Variants in TRIP4 observed in about 807,000 individuals in gnomAD.
The protein encoded by TRIP4 is thyroid hormone receptor interactor 4.
A neutral mutation model predicts 81.8 loss-of-function variants in TRIP4; 54 were observed. That is an observed-to-expected ratio of 0.66 (90% confidence interval 0.53 to 0.83). TRIP4 has a LOEUF of 0.83. TRIP4 is among the 40% of genes least tolerant of loss of function. The probability of loss-of-function intolerance (pLI) is 0.00; values close to 1 mark genes in which losing one functional copy is unlikely to be tolerated. For synonymous variants in TRIP4, 270 were observed against 242.8 expected (o/e 1.11, Z -1.04); for missense variants, 662 against 683.6 (o/e 0.97, Z 0.35).
At chr15:64,429,572 G>A (rs769071053) in intron 11 of TRIP4, among the ~76,000 whole-genome samples, 1 of 152,214 alleles carries the variant, frequency 6.6e-6, no homozygotes, top group Admixed American at 6.5e-5. Context: ...CTCTCTATGA[G>A]GTGGATATAA....
chr15:64,400,466 G>A (rs1388683983), intron 4 of TRIP4, among the ~76,000 whole-genome samples: 2 of 113,062 alleles, frequency 1.8e-5, no homozygotes, highest in East Asian at 6.1e-4. Context: ...AAGCCACTGT[G>A]CCCAGCCTTT....
chr15:64,402,582 G>A lies in TRIP4; in HGVS notation c.697+1761G>A, dbSNP rs189751160. On this transcript the variant is annotated intron_variant, in intron 5 of 12. Transcript: ENST00000261884. The stretch of plus-strand genomic sequence containing the variant: ...CTTGTTGCCCAGGCTGGAGTGCAAT[G>A]GCGCGATCTCAGCTCACTGCAACCT... Among the ~76,000 whole-genome samples the A allele has an allele frequency of 2.9e-4, 44 of 150,482 alleles. No homozygotes were observed. In the East Asian group the frequency reaches 4.9e-3, roughly 17 times the overall value.
Position 64,406,387 on chromosome 15 carries a change from A to G in TRIP4, c.755A>G (p.Glu252Gly). The change falls in exon 6 of 13, where the codon GAA becomes GGA. Residue 252 changes from glutamate (E) to glycine (G), a missense_variant. Glu to Gly is a moderately conservative substitution (Grantham distance 98). Coordinates refer to ENST00000261884, the MANE Select transcript of TRIP4 (RefSeq NM_016213.5). ...ISTKDLLPHQ[E>G]LRIKSGLEKA... ...ACCAAGGACCTTCTTCCTCATCAAG[A>G]ATTGCGAATTAAGTCTGGTCTGGAG... The G allele has an allele frequency of 6.2e-7, 1 of 1,614,214 alleles. No homozygotes were observed.
intron 8 of TRIP4, among the ~76,000 whole-genome samples, chr15:64,417,941 G>A (rs1891924050): frequency 6.6e-6 from 1 of 152,094 alleles, no homozygotes. Context: ...TAGCTCTTTT[G>A]GTGTGATATT....
intron 11 of TRIP4, among the ~76,000 whole-genome samples, chr15:64,437,485 G>A (rs981080824): frequency 6.6e-6 from 1 of 150,984 alleles, no homozygotes; most frequent in African/African-American, 2.4e-5. Flanking sequence ...ATCATATGAA[G>A]TCGTGTTACT....
Position 64,409,740 on chromosome 15 carries a change from G to T in TRIP4, c.955G>T (p.Ala319Ser). Residue 319 changes from alanine to serine, a missense_variant, in exon 7 of 13, where the codon GCC (alanine) becomes TCC (serine). By Grantham distance (99) the Ala-to-Ser change is moderately conservative. Coordinates refer to ENST00000261884, the MANE Select transcript of TRIP4 (RefSeq NM_016213.5). ...GGAGGAGCTGAGAGAACTTCGACAC[G>T]CCTCTCGACTTTCTAAGAAGGTCAC... is the stretch of plus-strand genomic sequence containing the variant. ...REEELRELRH[A>S]SRLSKKVTID... 6.2e-7 allele frequency: 1 copy of T among 1,614,062 alleles called. No homozygotes were observed. The highest frequency in any genetic ancestry group is 8.5e-7 in the Non-Finnish European group (1 of 1,180,000).
chr15:64,389,827 G>C (rs887732487), intron 1 of TRIP4, among the ~76,000 whole-genome samples: 2 of 148,024 alleles, frequency 1.4e-5, no homozygotes, highest in African/African-American at 2.5e-5. Flanking sequence ...TCCTCAGCCC[G>C]AGCAGCTGGG....
intron 3 of TRIP4, among the ~76,000 whole-genome samples, chr15:64,395,782 C>T (rs1596335643): frequency 6.7e-6 from 1 of 150,098 alleles, no homozygotes; most frequent in East Asian, 1.9e-4. Flanking sequence ...TGCTCTGTTT[C>T]CAGTCTGGAG....
chr15:64,451,864 G>T, intron 12 of TRIP4, among the ~76,000 whole-genome samples: 1 of 151,330 alleles, frequency 6.6e-6, no homozygotes, highest in Non-Finnish European at 1.5e-5. Context: ...TTTTGACCAG[G>T]CTGGTCTTGA....
At chr15:64,421,341 C>CA (rs1439675419) in intron 9 of TRIP4, among the ~76,000 whole-genome samples, 2 of 149,460 alleles carry the variant, frequency 1.3e-5, no homozygotes, top group East Asian at 4.0e-4. Flanking sequence ...TTCTTTCTTT[C>CA]ATTTTTTTTT....
intron 6 of TRIP4, among the ~76,000 whole-genome samples, chr15:64,407,052 T>G (rs1428316038): frequency 6.6e-6 from 1 of 152,192 alleles, no homozygotes; most frequent in Non-Finnish European, 1.5e-5. Context: ...TACTTACATT[T>G]TTTTTTCTTT....
At chr15:64,391,829 G>C (rs1289381630) in intron 1 of TRIP4, among the ~76,000 whole-genome samples, 1 of 151,016 alleles carries the variant, frequency 6.6e-6, no homozygotes, top group African/African-American at 2.4e-5. Context: ...AAATTAGCCG[G>C]GCGCAGTGGT....
chr15:64,411,632 A>G (rs529741053), intron 7 of TRIP4, among the ~76,000 whole-genome samples: 1 of 152,066 alleles, frequency 6.6e-6, no homozygotes, highest in African/African-American at 2.4e-5. Flanking sequence ...ACATAAATAC[A>G]TAAACAAAAA....
At chr15:64,398,424 CAA>C (rs745672952) in intron 4 of TRIP4, among the ~76,000 whole-genome samples, 5 of 16,324 alleles carry the variant, frequency 3.1e-4, no homozygotes, top group Non-Finnish European at 6.6e-4. Context: ...CCTGTCTCTA[CAA>C]AAAAAAAAAA....
chr15:64,390,845 A>G (rs888463991), intron 1 of TRIP4, among the ~76,000 whole-genome samples: 5 of 151,926 alleles, frequency 3.3e-5, no homozygotes, highest in African/African-American at 1.2e-4. Context: ...CAGTGAGCCA[A>G]TATCTCACCA....
chr15:64,449,271 G>T (rs1187472284), intron 12 of TRIP4, among the ~76,000 whole-genome samples: 4 of 148,168 alleles, frequency 2.7e-5, no homozygotes, highest in Non-Finnish European at 4.5e-5. Flanking sequence ...TTAAATGTTT[G>T]TTTTTTTTGT....
intron 8 of TRIP4, among the ~76,000 whole-genome samples, chr15:64,416,866 AAATTGT>A (rs2140296530): frequency 6.6e-6 from 1 of 152,338 alleles, no homozygotes; most frequent in South Asian, 2.1e-4. Context: ...AAGAATCATA[AAATTGT>A]ATGGCAGAAA....
chr15:64,417,563 AC>A (rs1426706713), intron 8 of TRIP4, among the ~76,000 whole-genome samples: 5 of 152,152 alleles, frequency 3.3e-5, no homozygotes, highest in African/African-American at 1.2e-4. Flanking sequence ...AGAAACATTA[AC>A]CTTTGCCATT....
chr15:64,445,055 A>G lies in TRIP4; in HGVS notation c.1625A>G (p.Lys542Arg), dbSNP rs1038731916. 5 of 1,606,348 alleles carry G rather than the reference A, an allele frequency of 3.1e-6. No homozygotes were observed. Among genetic ancestry groups the G allele is most frequent in the Admixed American group, 1.7e-5 (1 of 59,170 alleles). ...GATTCTCCATTTGTTTTCATCTGCA[A>G]AAATCCTCAGGAAATGGTTGTGAAG... is the stretch of plus-strand genomic sequence containing the variant. ...ESDSPFVFIC[K>R]NPQEMVVKFP... Residue 542 changes from lysine to arginine, a missense_variant, in exon 12 of 13, where the codon AAA becomes AGA. Transcript: ENST00000261884.
Sources: allele counts gnomAD v4.1 joint callset (sites outside exome capture counted in the v4.1 genomes callset), GRCh38; gene constraint gnomAD v4.1.1; transcripts MANE v1.5; gene names NCBI Gene and HGNC (gene_info 2026-07-23, HGNC 2026-07-21).